The following UGT1A5 variants were observed in gnomAD, a reference collection of about 807,000 sequenced individuals.
UGT1A5 encodes the protein UDP glucuronosyltransferase family 1 member A5, also known as UDP-glucuronosyltransferase 1A5.
UGT1A5 carries 29 observed loss-of-function variants against 40.3 expected under a neutral mutation model. That is an observed-to-expected ratio of 0.72 (90% CI 0.54 to 0.98). The LOEUF is 0.98. UGT1A5 is among the 50% of genes least tolerant of loss of function. UGT1A5 has a pLI of 0.00. For synonymous variants in UGT1A5, 257 were observed against 262.5 expected, an observed-to-expected ratio of 0.98 and a Z score of 0.20; for missense variants, 678 against 677.9, an observed-to-expected ratio of 1.00 and a Z score of 0.00.
At chr2:233,766,487 G>A (rs1575820615) in intron 1 of UGT1A5, among the ~76,000 whole-genome samples, 1 of 152,190 alleles carries the variant, frequency 6.6e-6, no homozygotes, top group Non-Finnish European at 1.5e-5. Context: ...TGATGGGGGC[G>A]TGGCAGGCCA....
chr2:233,760,233 C>T (rs1697357127), intron 1 of UGT1A5: 2 of 1,510,150 alleles, frequency 1.3e-6, no homozygotes, highest in Non-Finnish European at 9.0e-7. Context: ...TGGTTTTTGC[C>T]ATATATATAT....
chr2:233,734,383 T>C (rs1334676170), intron 1 of UGT1A5, among the ~76,000 whole-genome samples: 1 of 152,214 alleles, frequency 6.6e-6, no homozygotes, highest in African/African-American at 2.4e-5. Context: ...GCCTTTACTA[T>C]TTTTTATTGC....
chr2:233,713,979 T>C, intron 1 of UGT1A5, 121 bp downstream of exon 1: 1 of 1,594,106 alleles, frequency 6.3e-7, no homozygotes, highest in South Asian at 1.1e-5. Context: ...CTGCTTCTCA[T>C]TGTTGTAATA....
intron 1 of UGT1A5, chr2:233,747,109 G>A: frequency 7.1e-7 from 1 of 1,400,096 alleles, no homozygotes; most frequent in Non-Finnish European, 9.7e-7. Context: ...CCAATTACAT[G>A]ATGATTTGCT....
chr2:233,760,435 C>G (rs2125984030), intron 1 of UGT1A5: 1 of 1,614,234 alleles, frequency 6.2e-7, no homozygotes, highest in Non-Finnish European at 8.5e-7. Flanking sequence ...CATCCAGCAG[C>G]TGCAGCAGAG....
rs1297970201 is a variant in UGT1A5, at chr2:233,751,288, T to C, written c.868-15746T>C. 1.2e-4 allele frequency among the ~76,000 whole-genome samples: 18 copies of C among 151,952 alleles called. 3 individuals are homozygous for C. Among genetic ancestry groups the C allele is most frequent in the African/African-American group, 4.4e-4 (18 of 41,184 alleles). Reference sequence around the variant, plus strand: ...CCTTTTTTTGGCCAGTTTCTCCCATTTGGAATGGGAATATTTACCCAATTT... The same window carrying C: ...CCTTTTTTTGGCCAGTTTCTCCCATCTGGAATGGGAATATTTACCCAATTT... On this transcript the variant is annotated intron_variant, in intron 1 of 4. Transcript: ENST00000373414.
intron 1 of UGT1A5, among the ~76,000 whole-genome samples, chr2:233,721,034 G>C (rs539792830): frequency 4.0e-4 from 61 of 152,224 alleles, no homozygotes; most frequent in Non-Finnish European, 6.9e-4. Flanking sequence ...TCTTGTGAGA[G>C]AATTGAGCCC....
At chr2:233,751,110 CCA>C (rs1235610368) in intron 1 of UGT1A5, among the ~76,000 whole-genome samples, 2 of 151,964 alleles carry the variant, frequency 1.3e-5, no homozygotes, top group African/African-American at 4.9e-5. Flanking sequence ...GCCCTGCAAG[CCA>C]CAGTGTCCAA....
intron 1 of UGT1A5, among the ~76,000 whole-genome samples, chr2:233,744,984 T>A (rs1359972608): frequency 1.3e-5 from 2 of 151,892 alleles, no homozygotes; most frequent in Non-Finnish European, 2.9e-5. Flanking sequence ...CCTCTAGTCA[T>A]CTCTTGATTA....
At chr2:233,749,028 G>A (rs564218690) in intron 1 of UGT1A5, among the ~76,000 whole-genome samples, 2 of 151,604 alleles carry the variant, frequency 1.3e-5, no homozygotes, top group Non-Finnish European at 2.9e-5. Flanking sequence ...AATATTTGGG[G>A]TTCATTGATG....
chr2:233,718,890 C>G, intron 1 of UGT1A5: 1 of 1,613,968 alleles, frequency 6.2e-7, no homozygotes. Flanking sequence ...CAGTGTCCAG[C>G]CCTGGGCTGA....
intron 1 of UGT1A5, among the ~76,000 whole-genome samples, chr2:233,757,948 G>A (rs1469946422): frequency 6.6e-6 from 1 of 152,076 alleles, no homozygotes; most frequent in Non-Finnish European, 1.5e-5. Flanking sequence ...TCATATTGCT[G>A]CCCTGCTGTG....
intron 1 of UGT1A5, among the ~76,000 whole-genome samples, chr2:233,745,945 G>C (rs1693257711): frequency 6.6e-6 from 1 of 151,628 alleles, no homozygotes; most frequent in Non-Finnish European, 1.5e-5. Context: ...CTGGGGGTTG[G>C]GCAACTGGGG....
intron 1 of UGT1A5, among the ~76,000 whole-genome samples, chr2:233,732,815 A>C (rs1359476181): frequency 7.1e-6 from 1 of 140,410 alleles, no homozygotes; most frequent in African/African-American, 2.7e-5. Context: ...TTGATTCCAT[A>C]TGAACTTTAA....
intron 1 of UGT1A5, among the ~76,000 whole-genome samples, chr2:233,744,685 T>C (rs1692890031): frequency 6.6e-6 from 1 of 151,898 alleles, no homozygotes; most frequent in Non-Finnish European, 1.5e-5. Flanking sequence ...CCCATGTAGC[T>C]TCTGGAAAAC....
intron 1 of UGT1A5, among the ~76,000 whole-genome samples, chr2:233,745,884 T>C (rs1158721424): frequency 1.3e-5 from 2 of 150,192 alleles, no homozygotes; most frequent in East Asian, 2.0e-4. Flanking sequence ...GAAGTGTTGG[T>C]GGGGTGGCGT....
chr2:233,744,892 C>T (rs28900378), intron 1 of UGT1A5, among the ~76,000 whole-genome samples: 4,281 of 151,940 alleles, frequency 0.028, 301 homozygotes, highest in African/African-American at 0.097. Context: ...ACCCTCCTCT[C>T]CATACCAAAA....
At position 233,747,809 on chromosome 2, in the gene UGT1A5, G is replaced by T. The variant is rs955692001; in HGVS notation, c.868-19225G>T. 2.4e-5 allele frequency: 38 copies of T among 1,613,216 alleles called. No homozygotes were observed. In the Admixed American group the frequency reaches 6.2e-4, roughly 26 times the overall value. ...CCTCCTATATTCCTAAGTTACTAAC[G>T]ACCAATTCAGACCACATGACATTCC... On this transcript the variant is annotated intron_variant, in intron 1 of 4. Coordinates refer to ENST00000373414, the MANE Select transcript of UGT1A5 (RefSeq NM_019078.2).
At chr2:233,744,463 T>C (rs376604429) in intron 1 of UGT1A5, among the ~76,000 whole-genome samples, 1 of 151,892 alleles carries the variant, frequency 6.6e-6, no homozygotes, top group African/African-American at 2.4e-5. Flanking sequence ...TAAAACAGAA[T>C]TAAAAAGACA....
Sources: gnomAD v4.1 joint callset for allele counts (sites outside exome capture counted in the v4.1 genomes callset) on GRCh38, gnomAD v4.1.1 for gene constraint, MANE v1.5 for transcripts, NCBI Gene and HGNC (gene_info 2026-07-23, HGNC 2026-07-21) for gene names.